RPGRIP1: variants seen among roughly 807,000 people sequenced by gnomAD.
RPGRIP1 encodes RPGR interacting protein 1.
In RPGRIP1, 128 loss-of-function variants were observed where a neutral mutation model predicts 157.9. The ratio of observed to expected loss-of-function variants is 0.81; its 90% CI spans 0.70 to 0.94. RPGRIP1 has a LOEUF of 0.94. Ranked by LOEUF, RPGRIP1 falls within the 40% of genes least tolerant of loss-of-function variation. The pLI is 0.00. For synonymous variants in RPGRIP1, 554 were observed against 571.6 expected (o/e 0.97, Z 0.44); for missense variants, 1,486 against 1,545.8 (o/e 0.96, Z 0.65).
chr14:21,318,073 T>C (rs1881959086), intron 11 of RPGRIP1: 2 of 682,658 alleles, frequency 2.9e-6, no homozygotes, highest in African/African-American at 1.8e-5. Flanking sequence ...ATAATGTCTT[T>C]CCATTTGAGA....
intron 20 of RPGRIP1, among the ~76,000 whole-genome samples, chr14:21,331,576 AC>A (rs1883797345): frequency 6.6e-6 from 1 of 151,974 alleles, no homozygotes; most frequent in Non-Finnish European, 1.5e-5. Flanking sequence ...AGTTTTTGGC[AC>A]CCCTTCAAAT....
chr14:21,325,857 G>GAGA lies in RPGRIP1; in HGVS notation c.2395_2396insGAA (p.Gln798_Asn799insArg). The GAGA allele has an allele frequency of 6.2e-7, 1 of 1,613,464 alleles. No individual in the cohort carries two copies. Among genetic ancestry groups the GAGA allele is most frequent in the Non-Finnish European group, 8.5e-7 (1 of 1,179,440 alleles). ...TCAGATCGGAGTCTTGGGAACCTCA[G>GAGA]AACGAGCTGTGGATTGAAATCACCA... On this transcript the variant is annotated inframe_insertion, in exon 17 of 25. Coordinates refer to ENST00000400017, the MANE Select transcript of RPGRIP1 (RefSeq NM_020366.4).
intron 20 of RPGRIP1, among the ~76,000 whole-genome samples, 167 bp from the exon 21 acceptor site, chr14:21,334,438 A>T (rs1884118698): frequency 6.6e-6 from 1 of 151,558 alleles, no homozygotes; most frequent in African/African-American, 2.4e-5. Context: ...CAAGCTTCTG[A>T]ATAAGTGTAC....
In RPGRIP1 at chr14:21,307,716, C is replaced by T. The variant is rs761436507; in HGVS notation, c.801-15C>T. 2 of 1,478,134 alleles carry T rather than the reference C, an allele frequency of 1.4e-6. No homozygotes were observed. The highest frequency in any genetic ancestry group is 1.9e-6 in the Non-Finnish European group (2 of 1,078,946). The allele number at this position is 1,478,134 out of a possible 1,614,324, so 91.6% of individuals were successfully genotyped here. On this transcript the variant is annotated splice_polypyrimidine_tract_variant and intron_variant, in intron 6 of 24. Transcript: ENST00000400017. ...TCCATGTTCAGACAGAATAATTTAG[C>T]GCCTTTCTCTGCAGAGCTTCCATTA...
At chr14:21,288,716 G>A (rs1379492257) in intron 2 of RPGRIP1, among the ~76,000 whole-genome samples, 1 of 151,654 alleles carries the variant, frequency 6.6e-6, no homozygotes, top group Non-Finnish European at 1.5e-5. Flanking sequence ...GTTTCACCAT[G>A]TTGGCCAGGC....
intron 6 of RPGRIP1, among the ~76,000 whole-genome samples, chr14:21,306,205 C>T (rs1460031602): frequency 1.6e-5 from 2 of 128,810 alleles, no homozygotes; most frequent in African/African-American, 5.8e-5. Context: ...CTTGTCAGCT[C>T]ACTGCAATCT....
intron 3 of RPGRIP1, among the ~76,000 whole-genome samples, chr14:21,300,203 G>T (rs1468245114): frequency 2.0e-5 from 3 of 152,132 alleles, no homozygotes; most frequent in African/African-American, 7.2e-5. Context: ...TACTCAGGAG[G>T]CTGAGGCAGG....
intron 1 of RPGRIP1, among the ~76,000 whole-genome samples, chr14:21,287,640 G>A (rs753876622): frequency 7.2e-5 from 11 of 152,104 alleles, no homozygotes; most frequent in South Asian, 2.1e-4. Context: ...GGCCTATTTC[G>A]CAGAGAAAAG....
chr14:21,324,468 G>A, intron 14 of RPGRIP1, 150 bp from the exon 15 acceptor site: 1 of 707,596 alleles, frequency 1.4e-6, no homozygotes. Flanking sequence ...TTGTCCTTCT[G>A]TTGCTTTTCC....
At chr14:21,288,207 G>C in intron 2 of RPGRIP1, 146 bp downstream of exon 2, 1 of 601,550 alleles carries the variant, frequency 1.7e-6, no homozygotes, top group Non-Finnish European at 2.9e-6. Flanking sequence ...TTGAGATGGA[G>C]TCTCGCTCTG....
intron 21 of RPGRIP1, among the ~76,000 whole-genome samples, chr14:21,340,516 A>T (rs1216481796): frequency 4.6e-5 from 7 of 152,168 alleles, no homozygotes; most frequent in Admixed American, 4.6e-4. Flanking sequence ...TTAGTCGGGC[A>T]TGGTGGCACA....
intron 3 of RPGRIP1, among the ~76,000 whole-genome samples, chr14:21,296,451 T>C (rs959359221): frequency 3.3e-5 from 5 of 151,612 alleles, no homozygotes; most frequent in African/African-American, 1.2e-4. Flanking sequence ...TGACCTCAGG[T>C]GATCCACCCA....
At chr14:21,310,888 C>G (rs1211204980) in intron 8 of RPGRIP1, 2 of 636,320 alleles carry the variant, frequency 3.1e-6, no homozygotes, top group Non-Finnish European at 5.9e-6. Flanking sequence ...AGCATTTGCT[C>G]AAAACTTCCT....
chr14:21,307,690 A>C, intron 6 of RPGRIP1, 41 bp from the exon 7 acceptor site: 1 of 1,251,410 alleles, frequency 8.0e-7, no homozygotes, highest in Non-Finnish European at 1.1e-6. Flanking sequence ...CTTTAATTCT[A>C]TCCATGTTCA....
chr14:21,308,649 T>G (rs575209205), intron 7 of RPGRIP1, among the ~76,000 whole-genome samples: 80 of 152,174 alleles, frequency 5.3e-4, no homozygotes, highest in African/African-American at 1.9e-3. Flanking sequence ...GTGGAGCGGC[T>G]TTAAGGAGCG....
intron 3 of RPGRIP1, among the ~76,000 whole-genome samples, chr14:21,297,834 A>ATTCT (rs55920234): frequency 0.12 from 16,314 of 133,078 alleles, 1,272 homozygotes; most frequent in Admixed American, 0.23. Context: ...TCAATAAATT[A>ATTCT]TTCTTTCTTT....
chr14:21,328,571 G>A lies in RPGRIP1; in HGVS notation c.3043G>A (p.Gly1015Arg), dbSNP rs780757054. Residue 1015 changes from glycine to arginine, a missense_variant, in exon 19 of 25, where the codon GGA (glycine) becomes AGA (arginine). Transcript: ENST00000400017. The part of the protein sequence containing the change: ...RKHGKRIGVQ[G>R]KNRMEYLSLN... ...ACATGGCAAAAGAATAGGTGTTCAAGGAAAGAATAGAATGGAGTATCTTAG... is the reference window on the plus strand; with the variant it reads ...ACATGGCAAAAGAATAGGTGTTCAAAGAAAGAATAGAATGGAGTATCTTAG... 2 of 1,613,562 alleles carry A rather than the reference G, an allele frequency of 1.2e-6. No individual in the cohort carries two copies. Among genetic ancestry groups the A allele is most frequent in the Admixed American group, 1.7e-5 (1 of 59,978 alleles).
intron 6 of RPGRIP1, among the ~76,000 whole-genome samples, chr14:21,304,424 A>AAAGAAAGG (rs1555365584): frequency 8.6e-5 from 13 of 151,282 alleles, no homozygotes; most frequent in South Asian, 6.3e-4. Context: ...AGAAAGAAAG[A>AAAGAAAGG]AAGAAAGAAA....
At chr14:21,299,674 G>C (rs2139154192) in intron 3 of RPGRIP1, among the ~76,000 whole-genome samples, 1 of 152,266 alleles carries the variant, frequency 6.6e-6, no homozygotes, top group Admixed American at 6.5e-5. Flanking sequence ...AGGAAACTGA[G>C]CACAGAAAGG....
Sources: gnomAD v4.1 joint callset for allele counts (sites outside exome capture counted in the v4.1 genomes callset) on GRCh38, gnomAD v4.1.1 for gene constraint, MANE v1.5 for transcripts, NCBI Gene and HGNC (gene_info 2026-07-23, HGNC 2026-07-21) for gene names.